Variants in OLFM3 observed in about 807,000 individuals in gnomAD.
The protein encoded by OLFM3 is noelin-3.
In OLFM3, 20 loss-of-function variants were observed where a neutral mutation model predicts 48.6. The observed-to-expected ratio is 0.41, with a 90% CI of 0.29 to 0.60. The LOEUF is 0.60. Among genes scored for constraint, OLFM3 ranks in the 20% least tolerant of loss-of-function variants. The pLI, the probability that OLFM3 is intolerant of heterozygous loss-of-function variation, is 0.28. For missense variants in OLFM3, 437 were observed against 544.3 expected, an observed-to-expected ratio of 0.80 and a Z score of 1.96; for synonymous variants, 222 against 198.1, an observed-to-expected ratio of 1.12 and a Z score of -1.01.
chr1:101,893,447 GATTCTAGAAATTCAT>G (rs1163305344), intron 1 of OLFM3: 5 of 273,068 alleles, frequency 1.8e-5, no homozygotes, highest in Non-Finnish European at 3.8e-5. Flanking sequence ...GGGAGAAGAC[GATTCTAGAAATTCAT>G]ATTGACAAAA....
At chr1:101,895,544 C>A (rs757902381) in intron 1 of OLFM3, among the ~76,000 whole-genome samples, 12 of 151,932 alleles carry the variant, frequency 7.9e-5, no homozygotes, top group Non-Finnish European at 1.3e-4. Flanking sequence ...TTAATGAGAG[C>A]TTTTAACAAT....
rs570789252 is a variant in OLFM3, at chr1:101,901,667, A to G, written c.70-64642T>C. Among the ~76,000 whole-genome samples, 18 of 152,220 alleles carry G rather than the reference A, an allele frequency of 1.2e-4. No individual in the cohort carries two copies. In the East Asian group the frequency reaches 3.1e-3, roughly 26 times the overall value. On this transcript the variant is annotated intron_variant, in intron 1 of 5. Transcript: ENST00000370103. The stretch of plus-strand genomic sequence containing the variant: ...TAGAATAAAGGAAGTATGAGTGGGG[A>G]AGAATGTGGACATGAGAAATATATG...
At chr1:101,899,295 T>C (rs1345613528) in intron 1 of OLFM3, among the ~76,000 whole-genome samples, 1 of 152,212 alleles carries the variant, frequency 6.6e-6, no homozygotes, top group Non-Finnish European at 1.5e-5. Flanking sequence ...CCTTAGTTTC[T>C]GGCTATGTAG....
intron 1 of OLFM3, among the ~76,000 whole-genome samples, chr1:101,858,306 T>C (rs991445580): frequency 7.2e-5 from 11 of 152,180 alleles, no homozygotes; most frequent in Non-Finnish European, 1.2e-4. Flanking sequence ...CAGTGAAACA[T>C]GAAACCTGCA....
At chr1:101,812,717 A>T in intron 4 of OLFM3, 1 of 986,936 alleles carries the variant, frequency 1.0e-6, no homozygotes. Flanking sequence ...TTCGGCCAAA[A>T]CTTAGGACAG....
At chr1:101,944,072 A>C in intron 1 of OLFM3, among the ~76,000 whole-genome samples, 1 of 150,720 alleles carries the variant, frequency 6.6e-6, no homozygotes, top group African/African-American at 2.4e-5. Context: ...GTGGGAATAC[A>C]TATATATACA....
At position 101,812,461 on chromosome 1, in the gene OLFM3, G is replaced by A. The variant is rs143544895; in HGVS notation, c.593-6279C>T. On this transcript the variant is annotated intron_variant, in intron 4 of 5. Coordinates refer to ENST00000370103, the MANE Select transcript of OLFM3 (RefSeq NM_058170.4). ...GTACAAAGCAAGAAGACACAATTCT[G>A]GTATTTGTCTCAAATGTCTGCATAT... is the stretch of plus-strand genomic sequence containing the variant. 934 of 985,300 alleles carry A rather than the reference G, an allele frequency of 9.5e-4. 11 individuals are homozygous for A. The African/African-American group carries it at 0.015, about 16-fold the overall frequency. The allele number at this position is 985,300 out of a possible 1,614,324, so 61.0% of individuals were successfully genotyped here. A position where few individuals can be genotyped will look rare whatever the true frequency, so the allele number is the denominator to read the frequency against.
intron 1 of OLFM3, among the ~76,000 whole-genome samples, chr1:101,984,450 T>G (rs923554684): frequency 6.6e-6 from 1 of 151,886 alleles, no homozygotes; most frequent in Non-Finnish European, 1.5e-5. Context: ...CAGACTAGAG[T>G]GCAGAGGCGC....
chr1:101,888,355 AAC>A (rs1303516693), intron 1 of OLFM3, among the ~76,000 whole-genome samples: 9 of 152,174 alleles, frequency 5.9e-5, no homozygotes, highest in Admixed American at 5.9e-4. Flanking sequence ...ACACATCTAC[AAC>A]CATCTGATCT....
At chr1:101,881,027 C>G (rs959075045) in intron 1 of OLFM3, among the ~76,000 whole-genome samples, 1 of 151,794 alleles carries the variant, frequency 6.6e-6, no homozygotes, top group Non-Finnish European at 1.5e-5. Flanking sequence ...CAGGATGGCA[C>G]AAAACAAAGG....
chr1:101,895,847 A>G (rs181793407), intron 1 of OLFM3, among the ~76,000 whole-genome samples: 2 of 152,250 alleles, frequency 1.3e-5, no homozygotes, highest in East Asian at 1.9e-4. Flanking sequence ...ATGAATGTGT[A>G]TGTATATGCT....
In OLFM3 at chr1:101,859,937, T is replaced by A. The variant is rs545279617; in HGVS notation, c.70-22912A>T. On this transcript the variant is annotated intron_variant, in intron 1 of 5. Coordinates refer to ENST00000370103, the MANE Select transcript of OLFM3 (RefSeq NM_058170.4). ...CCTGCCCAAGAAATTGGGGATACAG[T>A]CTGAGATTTTATATTTTTAACAAGC... The A allele has an allele frequency of 2.0e-5, 3 of 152,094 alleles. No homozygotes were observed. The East Asian group carries it at 5.8e-4, about 29-fold the overall frequency. 9.4% of individuals were successfully genotyped at this position (152,094 alleles called of 1,614,324 possible).
intron 1 of OLFM3, among the ~76,000 whole-genome samples, chr1:101,993,203 T>G (rs773659211): frequency 9.2e-5 from 14 of 152,178 alleles, no homozygotes; most frequent in African/African-American, 3.4e-4. Flanking sequence ...GTCATATTTA[T>G]ATCCTCCTAT....
At chr1:101,916,429 AG>A (rs58943543) in intron 1 of OLFM3, among the ~76,000 whole-genome samples, 65,403 of 151,414 alleles carry the variant, frequency 0.43, 14,213 homozygotes, top group East Asian at 0.59. Context: ...TTTTTTAAAC[AG>A]ACCTGGAAAT....
intron 1 of OLFM3, among the ~76,000 whole-genome samples, chr1:101,992,949 A>G (rs1390893804): frequency 6.6e-6 from 1 of 152,126 alleles, no homozygotes; most frequent in Non-Finnish European, 1.5e-5. Flanking sequence ...TTATGTCTGT[A>G]GTGTGAGAAA....
chr1:101,885,673 C>A (rs543266335), intron 1 of OLFM3, among the ~76,000 whole-genome samples: 35 of 152,144 alleles, frequency 2.3e-4, no homozygotes, highest in African/African-American at 7.9e-4. Context: ...TAAATTTTCT[C>A]TTTTCTATGA....
intron 1 of OLFM3, among the ~76,000 whole-genome samples, chr1:101,869,714 C>A: frequency 6.6e-6 from 1 of 152,076 alleles, no homozygotes; most frequent in East Asian, 1.9e-4. Context: ...ATGGGAGGGA[C>A]CCAGTGGGAG....
chr1:101,988,916 TGGG>T (rs1661323255), intron 1 of OLFM3, among the ~76,000 whole-genome samples: 3 of 152,066 alleles, frequency 2.0e-5, no homozygotes, highest in African/African-American at 7.2e-5. Flanking sequence ...TTTGCAAATT[TGGG>T]GTAGGGAGGA....
chr1:101,815,454 G>A (rs75666008), intron 4 of OLFM3, among the ~76,000 whole-genome samples: 994 of 127,020 alleles, frequency 7.8e-3, no homozygotes, highest in Middle Eastern at 0.027. Context: ...CTCAAAAAAA[G>A]AAAAAAAAAA....
Sources: gnomAD v4.1 joint callset for allele counts (sites outside exome capture counted in the v4.1 genomes callset) on GRCh38, gnomAD v4.1.1 for gene constraint, MANE v1.5 for transcripts, NCBI Gene and HGNC (gene_info 2026-07-23, HGNC 2026-07-21) for gene names.